UBR1: variants seen among roughly 807,000 people sequenced by gnomAD.
UBR1 encodes the protein E3 ubiquitin-protein ligase UBR1.
Under a neutral mutation model 242.1 loss-of-function variants are expected in UBR1, and 102 were observed. The ratio of observed to expected loss-of-function variants is 0.42; its 90% CI spans 0.36 to 0.50. The LOEUF is 0.50. Ranked by LOEUF, UBR1 falls within the 20% of genes least tolerant of loss-of-function variation. UBR1 has a pLI of 0.01. For synonymous variants in UBR1, 675 were observed against 684.8 expected, an observed-to-expected ratio of 0.99 and a Z score of 0.22; for missense variants, 1,772 against 2,101.8, an observed-to-expected ratio of 0.84 and a Z score of 3.07.
intron 1 of UBR1, among the ~76,000 whole-genome samples, chr15:43,092,698 C>T (rs867742901): frequency 6.6e-6 from 1 of 152,076 alleles, no homozygotes; most frequent in Non-Finnish European, 1.5e-5. Context: ...GGACTACGGG[C>T]GCGTGCCACC....
chr15:43,101,238 A>T (rs1567153113), intron 1 of UBR1, among the ~76,000 whole-genome samples: 1 of 152,208 alleles, frequency 6.6e-6, no homozygotes, highest in Non-Finnish European at 1.5e-5. Context: ...TATAAGAGAA[A>T]GCCACTGAGG....
chr15:43,070,888 T>C lies in UBR1; in HGVS notation c.566A>G (p.Gln189Arg). 6.2e-7 allele frequency: 1 copy of C among 1,613,774 alleles called. No individual in the cohort carries two copies. Among genetic ancestry groups the C allele is most frequent in the Non-Finnish European group, 8.5e-7 (1 of 1,179,986 alleles). Residue 189 changes from glutamine (Q) to arginine (R), a missense_variant, in exon 5 of 47, where the codon CAA becomes CGA. This residue lies in a region of UBR1 where 734 missense variants were observed against 893.3 expected (regional missense o/e 0.82). Transcript: ENST00000290650. ...RCPLNEEVIV[Q>R]ARKIFPSVIK... is the part of the protein sequence containing the mutation. ...CACTGAAGGAAATATTTTCCTGGCT[T>C]GGACAATTACCTCTTCATTCAACGG... is the stretch of plus-strand genomic sequence containing the variant.
intron 3 of UBR1, among the ~76,000 whole-genome samples, chr15:43,077,956 TAGG>T (rs1283815226): frequency 2.6e-5 from 4 of 152,138 alleles, no homozygotes; most frequent in South Asian, 2.1e-4. Context: ...CAGCATTTAC[TAGG>T]AGAACAACAA....
chr15:43,048,101 C>T (rs922460133), intron 13 of UBR1, among the ~76,000 whole-genome samples: 1 of 151,528 alleles, frequency 6.6e-6, no homozygotes, highest in Non-Finnish European at 1.5e-5. Flanking sequence ...GCAGGAGAAT[C>T]GCTTGAACCT....
At chr15:43,021,431 C>T (rs1007830513) in intron 26 of UBR1, 56 bp from the exon 27 acceptor site, 19 of 1,556,784 alleles carry the variant, frequency 1.2e-5, no homozygotes, top group Middle Eastern at 1.7e-4. Context: ...CTCTTGGTAT[C>T]CTCAGGGAAT....
intron 20 of UBR1, 43 bp downstream of exon 20, chr15:43,032,525 A>G (rs771181448): frequency 2.2e-6 from 3 of 1,360,666 alleles, no homozygotes; most frequent in Non-Finnish European, 3.1e-6. Context: ...CTCTCTAAAA[A>G]GTAACCCATG....
intron 4 of UBR1, among the ~76,000 whole-genome samples, chr15:43,073,120 C>T (rs1450552266): frequency 6.6e-6 from 1 of 151,924 alleles, no homozygotes; most frequent in African/African-American, 2.4e-5. Flanking sequence ...GAGATCATAC[C>T]ACTGTACTTC....
chr15:43,092,101 A>G, intron 1 of UBR1: 1 of 428,330 alleles, frequency 2.3e-6, no homozygotes, highest in South Asian at 1.6e-5. Context: ...AAAACAAATT[A>G]TACTCTTGGC....
chr15:43,099,351 T>A (rs547543859), intron 1 of UBR1, among the ~76,000 whole-genome samples: 3 of 151,940 alleles, frequency 2.0e-5, no homozygotes, highest in Admixed American at 1.3e-4. Context: ...AAAGTTCCCC[T>A]ACAGATATGA....
At chr15:43,080,802 T>C (rs1157896193) in intron 3 of UBR1, among the ~76,000 whole-genome samples, 1 of 151,868 alleles carries the variant, frequency 6.6e-6, no homozygotes, top group Non-Finnish European at 1.5e-5. Context: ...AATACAAACA[T>C]TAGCTGGGCA....
At chr15:43,061,092 G>T (rs1222699946) in intron 6 of UBR1, among the ~76,000 whole-genome samples, 1 of 152,166 alleles carries the variant, frequency 6.6e-6, no homozygotes, top group African/African-American at 2.4e-5. Context: ...AACAAACAGG[G>T]GGAGGAAAAC....
In UBR1 at chr15:43,015,878, T is replaced by C. The variant is rs749076717; in HGVS notation, c.3028-9A>G. ...TCTTTATCATGAGTAATCTGGGTAT[T>C]AAGAAATGACAAATTTAGGTAAGAT... On this transcript the variant is annotated splice_polypyrimidine_tract_variant and intron_variant, in intron 28 of 46. Coordinates refer to ENST00000290650, the MANE Select transcript of UBR1 (RefSeq NM_174916.3). 1.9e-5 allele frequency: 30 copies of C among 1,613,204 alleles called. No individual in the cohort carries two copies. The highest frequency in any genetic ancestry group is 2.1e-5 in the Non-Finnish European group (25 of 1,179,680).
chr15:42,951,778 C>CTGGCTAATTTT (rs1249918183), intron 45 of UBR1, among the ~76,000 whole-genome samples: 2 of 151,934 alleles, frequency 1.3e-5, no homozygotes, highest in Non-Finnish European at 2.9e-5. Context: ...GCTACCATGC[C>CTGGCTAATTTT]TGGCTAATTT....
chr15:42,953,777 T>C (rs2031871776), intron 44 of UBR1, among the ~76,000 whole-genome samples: 1 of 152,170 alleles, frequency 6.6e-6, no homozygotes, highest in Non-Finnish European at 1.5e-5. Flanking sequence ...TTTTCATTCT[T>C]ATGTGAAATC....
At chr15:42,988,475 A>G (rs78610872) in intron 35 of UBR1, 2 of 291,752 alleles carry the variant, frequency 6.9e-6, no homozygotes, top group South Asian at 7.1e-5. Flanking sequence ...TTTGTAGACA[A>G]TCTTGCTGTA....
At position 43,002,714 on chromosome 15, in the gene UBR1, T is replaced by C. The variant is rs1488120979; in HGVS notation, c.3510-10A>G. ...TACAGCTTCAAAATACCTGCAAAATTACAAAGACACAGGCCCATTCAGAAC... is the reference window on the plus strand; with the variant it reads ...TACAGCTTCAAAATACCTGCAAAATCACAAAGACACAGGCCCATTCAGAAC... On this transcript the variant is annotated splice_polypyrimidine_tract_variant and intron_variant, in intron 31 of 46. Transcript: ENST00000290650. 7.4e-6 allele frequency: 12 copies of C among 1,613,910 alleles called. No individual in the cohort carries two copies. The East Asian group carries it at 2.2e-4, about 30-fold the overall frequency.
intron 19 of UBR1, among the ~76,000 whole-genome samples, chr15:43,032,860 C>G (rs961411294): frequency 6.6e-6 from 1 of 152,198 alleles, no homozygotes; most frequent in Admixed American, 6.5e-5. Flanking sequence ...TTTTCATTAT[C>G]ATTATCCCCC....
chr15:43,098,697 A>G (rs899996647), intron 1 of UBR1, among the ~76,000 whole-genome samples: 4 of 152,180 alleles, frequency 2.6e-5, no homozygotes, highest in Non-Finnish European at 2.9e-5. Context: ...GGGCTGAATC[A>G]GTCATTTTGA....
chr15:43,072,819 T>C (rs1042715405), intron 4 of UBR1, among the ~76,000 whole-genome samples: 3 of 152,222 alleles, frequency 2.0e-5, no homozygotes, highest in Non-Finnish European at 4.4e-5. Flanking sequence ...ATTACATTGA[T>C]TGGTTTTCAA....
Sources: gnomAD v4.1 joint callset for allele counts (sites outside exome capture counted in the v4.1 genomes callset) on GRCh38, gnomAD v4.1.1 for gene constraint, gnomAD v4.1.1 regional missense constraint, MANE v1.5 for transcripts, NCBI Gene and HGNC (gene_info 2026-07-23, HGNC 2026-07-21) for gene names.